Variants in APBA1 observed in about 807,000 individuals in gnomAD.
The protein encoded by APBA1 is amyloid-beta A4 precursor protein-binding family A member 1.
In APBA1, 55 loss-of-function variants were observed where a neutral mutation model predicts 86.6. The ratio of observed to expected loss-of-function variants is 0.64; its 90% CI spans 0.51 to 0.80. APBA1 has a LOEUF of 0.80. APBA1 is among the 30% of genes least tolerant of loss of function. The pLI, the probability that APBA1 is intolerant of heterozygous loss-of-function variation, is 0.00. For synonymous variants in APBA1, 511 were observed against 493.9 expected, an observed-to-expected ratio of 1.03 and a Z score of -0.46; for missense variants, 1,090 against 1,183.0, an observed-to-expected ratio of 0.92 and a Z score of 1.15.
chr9:69,514,242 AC>A (rs1404768511), intron 2 of APBA1, among the ~76,000 whole-genome samples: 1 of 152,198 alleles, frequency 6.6e-6, no homozygotes, highest in Non-Finnish European at 1.5e-5. Flanking sequence ...ATACCCTGAT[AC>A]CACCAGATGT....
chr9:69,664,998 T>G (rs1823819013), intron 1 of APBA1, among the ~76,000 whole-genome samples: 1 of 152,260 alleles, frequency 6.6e-6, no homozygotes. Flanking sequence ...CAGCTATAGC[T>G]GTATCGACAG....
At chr9:69,446,594 T>C (rs1253314580) in intron 10 of APBA1, among the ~76,000 whole-genome samples, 1 of 152,250 alleles carries the variant, frequency 6.6e-6, no homozygotes, top group Non-Finnish European at 1.5e-5. Flanking sequence ...TCCACCTTGA[T>C]GCTGTGGCAG....
intron 3 of APBA1, among the ~76,000 whole-genome samples, chr9:69,472,987 C>T (rs1835388752): frequency 6.6e-6 from 1 of 152,218 alleles, no homozygotes; most frequent in Admixed American, 6.5e-5. Flanking sequence ...CAATTCAACA[C>T]TAATCACACA....
intron 2 of APBA1, among the ~76,000 whole-genome samples, chr9:69,487,672 A>T (rs1318299500): frequency 6.6e-6 from 1 of 152,084 alleles, no homozygotes; most frequent in African/African-American, 2.4e-5. Context: ...GAGCTGTTTT[A>T]CAAGTCAGTT....
At position 69,633,883 on chromosome 9, in the gene APBA1, C is replaced by G. The variant is rs750846201; in HGVS notation, c.-70+38270G>C. Among the ~76,000 whole-genome samples, 6 of 152,174 alleles carry G rather than the reference C, an allele frequency of 3.9e-5. No homozygotes were observed. The East Asian group carries it at 1.2e-3, about 29-fold the overall frequency. On this transcript the variant is annotated intron_variant, in intron 1 of 12. Transcript: ENST00000265381. ...TTTTAGAAGGTGACACCAGCATCAG[C>G]TTTCAGCTTCACAATCTGAACTAAT... is the stretch of plus-strand genomic sequence containing the variant.
intron 1 of APBA1, among the ~76,000 whole-genome samples, chr9:69,651,756 G>A (rs775997264): frequency 6.6e-5 from 10 of 152,218 alleles, no homozygotes; most frequent in Non-Finnish European, 1.0e-4. Flanking sequence ...GATTACCGGC[G>A]TGAGCCACCA....
intron 1 of APBA1, among the ~76,000 whole-genome samples, chr9:69,667,907 T>C (rs1211862586): frequency 3.3e-5 from 5 of 152,124 alleles, no homozygotes; most frequent in Admixed American, 6.6e-5. Flanking sequence ...TCAAATCCAA[T>C]GGCTTTGCCT....
intron 1 of APBA1, among the ~76,000 whole-genome samples, chr9:69,599,161 C>T (rs564100364): frequency 2.0e-5 from 3 of 152,290 alleles, no homozygotes; most frequent in South Asian, 2.1e-4. Flanking sequence ...GGCTGCACGA[C>T]AATGTGAGCT....
intron 2 of APBA1, among the ~76,000 whole-genome samples, chr9:69,504,327 C>T (rs769058022): frequency 6.6e-6 from 1 of 152,002 alleles, no homozygotes; most frequent in African/African-American, 2.4e-5. Context: ...TACTACTTTC[C>T]ACCTTTTTGC....
intron 1 of APBA1, among the ~76,000 whole-genome samples, chr9:69,571,683 A>T (rs937572643): frequency 7.2e-5 from 11 of 152,128 alleles, no homozygotes; most frequent in African/African-American, 2.2e-4. Context: ...ATCATATTAA[A>T]TTTTTTTCTG....
At chr9:69,576,158 A>C (rs1165953735) in intron 1 of APBA1, among the ~76,000 whole-genome samples, 1 of 152,240 alleles carries the variant, frequency 6.6e-6, no homozygotes, top group African/African-American at 2.4e-5. Flanking sequence ...CCACAATGAG[A>C]TACCATCTCA....
rs550565344 is a variant in APBA1 at position 69,482,530 on chromosome 9, G to C, written c.1201-6387C>G. On this transcript the variant is annotated intron_variant, in intron 2 of 12. Coordinates refer to ENST00000265381, the MANE Select transcript of APBA1 (RefSeq NM_001163.4). The stretch of plus-strand genomic sequence containing the variant: ...ACACTTTTACACTGTTGGTGGGACT[G>C]TAAACTAGTTCAACCCTTGTGGAAG... 8.4e-4 allele frequency among the ~76,000 whole-genome samples: 127 copies of C among 151,062 alleles called. 1 individual carries two copies. The highest frequency in any genetic ancestry group is 3.0e-3 in the African/African-American group (122 of 41,098).
At chr9:69,534,617 G>T (rs1453017552) in intron 1 of APBA1, among the ~76,000 whole-genome samples, 1 of 152,158 alleles carries the variant, frequency 6.6e-6, no homozygotes, top group Non-Finnish European at 1.5e-5. Flanking sequence ...TTTGGAGTTG[G>T]TTTATGTTAT....
At chr9:69,646,067 C>A (rs1468487175) in intron 1 of APBA1, among the ~76,000 whole-genome samples, 3 of 152,124 alleles carry the variant, frequency 2.0e-5, no homozygotes, top group African/African-American at 7.2e-5. Flanking sequence ...GACATATAAG[C>A]AAAATGAAAA....
chr9:69,538,718 G>T (rs1836552342), intron 1 of APBA1, among the ~76,000 whole-genome samples: 1 of 152,170 alleles, frequency 6.6e-6, no homozygotes, highest in Non-Finnish European at 1.5e-5. Flanking sequence ...TCTATAAACT[G>T]CCCAGACTTT....
chr9:69,663,988 T>A lies in APBA1; in HGVS notation c.-70+8165A>T, dbSNP rs533526398. Among the ~76,000 whole-genome samples, 24 of 152,298 alleles carry A rather than the reference T, an allele frequency of 1.6e-4. 1 individual carries two copies. The South Asian group carries it at 3.5e-3, about 22-fold the overall frequency. ...CCAAGATAACAGAAATTGAAAGCCATGTAATTCACTAATGCTGGATGTGAC... is the reference window on the plus strand; with the variant it reads ...CCAAGATAACAGAAATTGAAAGCCAAGTAATTCACTAATGCTGGATGTGAC... On this transcript the variant is annotated intron_variant, in intron 1 of 12. Transcript: ENST00000265381.
chr9:69,476,981 G>T (rs1347352152), intron 2 of APBA1, among the ~76,000 whole-genome samples: 1 of 152,204 alleles, frequency 6.6e-6, no homozygotes, highest in African/African-American at 2.4e-5. Flanking sequence ...ACAGGGATGG[G>T]ACTGATACAG....
chr9:69,442,952 G>A (rs1834849587), intron 10 of APBA1, among the ~76,000 whole-genome samples: 1 of 152,240 alleles, frequency 6.6e-6, no homozygotes. Flanking sequence ...CAACTTCACT[G>A]CAAACAGAAT....
At chr9:69,523,477 GTA>G (rs1163577400) in intron 1 of APBA1, among the ~76,000 whole-genome samples, 42 of 80,632 alleles carry the variant, frequency 5.2e-4, no homozygotes, top group African/African-American at 1.5e-3. Context: ...ATATATATAT[GTA>G]TATATATATA....
Sources: allele counts gnomAD v4.1 joint callset (sites outside exome capture counted in the v4.1 genomes callset), GRCh38; gene constraint gnomAD v4.1.1; transcripts MANE v1.5; gene names NCBI Gene and HGNC (gene_info 2026-07-23, HGNC 2026-07-21).